The following ARK2N variants were observed in gnomAD, a reference collection of about 807,000 sequenced individuals.
ARK2N encodes the protein arkadia (RNF111) N-terminal like PKA signaling regulator 2N.
chr18:46,198,427 T>C, the ARK2N span, among the ~76,000 whole-genome samples: 2 of 152,102 alleles, frequency 1.3e-5, no homozygotes, highest in Non-Finnish European at 2.9e-5. Context: ...CGAAGAACTA[T>C]GAGACAATAT....
At chr18:46,215,740 G>GAA in the ARK2N span, 1 of 756,536 alleles carries the variant, frequency 1.3e-6, no homozygotes, top group South Asian at 2.0e-5. Flanking sequence ...CACCCACTTA[G>GAA]AAAGGTAGGC....
chr18:46,227,608 A>G, the ARK2N span, among the ~76,000 whole-genome samples: 1 of 149,712 alleles, frequency 6.7e-6, no homozygotes, highest in South Asian at 2.1e-4. Context: ...TTTTTTTTCC[A>G]TTTTTTGAGA....
chr18:46,250,779 T>A, the ARK2N span, among the ~76,000 whole-genome samples: 1 of 152,144 alleles, frequency 6.6e-6, no homozygotes, highest in African/African-American at 2.4e-5. Context: ...ACCTGCTGAC[T>A]TTGGTAGCCT....
chr18:46,213,495 A>G, the ARK2N span, among the ~76,000 whole-genome samples: 6 of 152,054 alleles, frequency 3.9e-5, no homozygotes, highest in Non-Finnish European at 8.8e-5. Flanking sequence ...TTGTATTGAC[A>G]GCATGCTTTA....
chr18:46,262,518 C>T, the ARK2N span, among the ~76,000 whole-genome samples: 1 of 152,186 alleles, frequency 6.6e-6, no homozygotes, highest in African/African-American at 2.4e-5. Flanking sequence ...ATTTTAAGAA[C>T]AAGTTTTAAC....
At chr18:46,236,321 G>T in the ARK2N span, among the ~76,000 whole-genome samples, 2 of 152,290 alleles carry the variant, frequency 1.3e-5, no homozygotes, top group African/African-American at 4.8e-5. Flanking sequence ...CCATTCGTGG[G>T]TTTTTGACCT....
the ARK2N span, among the ~76,000 whole-genome samples, chr18:46,223,399 T>A: frequency 6.6e-6 from 1 of 152,294 alleles, no homozygotes; most frequent in African/African-American, 2.4e-5. Flanking sequence ...ACCGACTTCA[T>A]GAGGTTTTTG....
At chr18:46,208,635 A>C in the ARK2N span, among the ~76,000 whole-genome samples, 1 of 151,184 alleles carries the variant, frequency 6.6e-6, no homozygotes, top group Admixed American at 6.6e-5. Context: ...ATGCCCAGCT[A>C]ATTTTTATGT....
the ARK2N span, chr18:46,218,844 A>G: frequency 6.6e-6 from 1 of 152,236 alleles, no homozygotes; most frequent in South Asian, 2.1e-4. Context: ...CTTAAGCTGG[A>G]TGGGCCTAAC....
At chr18:46,243,868 C>G in the ARK2N span, among the ~76,000 whole-genome samples, 1 of 152,176 alleles carries the variant, frequency 6.6e-6, no homozygotes, top group Non-Finnish European at 1.5e-5. Flanking sequence ...CGGAGGACAG[C>G]ACATAGTAGG....
At chr18:46,255,445 C>CTTTTCTTTTTTTT in the ARK2N span, among the ~76,000 whole-genome samples, 5 of 77,730 alleles carry the variant, frequency 6.4e-5, no homozygotes, top group African/African-American at 3.1e-4. Context: ...CTTTTCTTTT[C>CTTTTCTTTTTTTT]TTTTTTTTTT....
chr18:46,225,129 C>G, the ARK2N span, among the ~76,000 whole-genome samples: 2 of 152,220 alleles, frequency 1.3e-5, no homozygotes, highest in Non-Finnish European at 2.9e-5. Flanking sequence ...GCGAAGAGAA[C>G]AAGCAGCTAC....
the ARK2N span, among the ~76,000 whole-genome samples, chr18:46,211,271 C>A: frequency 1.3e-5 from 2 of 152,076 alleles, no homozygotes; most frequent in African/African-American, 4.8e-5. Context: ...CGTACTGTTG[C>A]AAACACGGCT....
At chr18:46,244,388 A>G in the ARK2N span, among the ~76,000 whole-genome samples, 1 of 151,972 alleles carries the variant, frequency 6.6e-6, no homozygotes, top group Admixed American at 6.6e-5. Context: ...GGTTCTGAGC[A>G]TTTTCCCCAT....
chr18:46,193,391 GTGATT>G, the ARK2N span, among the ~76,000 whole-genome samples: 131 of 151,700 alleles, frequency 8.6e-4, no homozygotes, highest in African/African-American at 2.9e-3. Context: ...CAGGGTTCAA[GTGATT>G]CACCTGCCTC....
chr18:46,250,467 C>T, the ARK2N span, among the ~76,000 whole-genome samples: 3 of 121,456 alleles, frequency 2.5e-5, no homozygotes, highest in Non-Finnish European at 5.5e-5. Flanking sequence ...TGCCTAATTC[C>T]CAACATTACT....
chr18:46,260,725 G>C, the ARK2N span, among the ~76,000 whole-genome samples: 1 of 152,188 alleles, frequency 6.6e-6, no homozygotes, highest in Admixed American at 6.5e-5. Context: ...CTGGGAACCA[G>C]GCAGTGCTTC....
chr18:46,219,001 T>A, the ARK2N span: 13 of 152,232 alleles, frequency 8.5e-5, no homozygotes, highest in Non-Finnish European at 1.6e-4. Context: ...AAGCTTTTGT[T>A]TGGGCTCAGC....
chr18:46,260,863 T>G, the ARK2N span, among the ~76,000 whole-genome samples: 1 of 152,332 alleles, frequency 6.6e-6, no homozygotes, highest in South Asian at 2.1e-4. Flanking sequence ...TTTAAGAGCC[T>G]GGATGGTTGT....
Sources: gnomAD v4.1 joint callset for allele counts (sites outside exome capture counted in the v4.1 genomes callset) on GRCh38, gnomAD v4.1.1 for gene constraint, MANE v1.5 for transcripts, NCBI Gene and HGNC (gene_info 2026-07-23, HGNC 2026-07-21) for gene names.